The following VEGFA variants were observed in gnomAD, a reference collection of about 807,000 sequenced individuals.
VEGFA encodes vascular endothelial growth factor A, long form.
Under a neutral mutation model 49.7 loss-of-function variants are expected in VEGFA, and 20 were observed. The observed-to-expected ratio is 0.40, with a 90% CI of 0.28 to 0.58. VEGFA has a LOEUF of 0.58. Among genes scored for constraint, VEGFA ranks in the 20% least tolerant of loss-of-function variants. VEGFA has a pLI of 0.40. For synonymous variants in VEGFA, 219 were observed against 223.4 expected, an observed-to-expected ratio of 0.98 and a Z score of 0.18; for missense variants, 505 against 553.5, an observed-to-expected ratio of 0.91 and a Z score of 0.88.
At chr6:43,779,198 G>A (rs374062050) in intron 5 of VEGFA, 1 of 567,388 alleles carries the variant, frequency 1.8e-6, no homozygotes, top group Non-Finnish European at 3.2e-6. Flanking sequence ...CTGTTTCGGT[G>A]TGTCAGGGGG....
chr6:43,780,856 T>C (rs149528656), intron 6 of VEGFA, 53 bp downstream of exon 6: 479 of 1,613,124 alleles, frequency 3.0e-4, no homozygotes, highest in Non-Finnish European at 3.8e-4. Flanking sequence ...TGGCCCCCAG[T>C]ACAACCTCCG....
rs368814156 is a variant in VEGFA at position 43,777,612 on chromosome 6, A to G, written c.802A>G (p.Asn268Asp). 2 of 1,612,230 alleles carry G rather than the reference A, an allele frequency of 1.2e-6. No homozygotes were observed. The highest frequency in any genetic ancestry group is 1.7e-6 in the Non-Finnish European group (2 of 1,178,972). The change falls in exon 3 of 8, where the codon AAT becomes GAT. Residue 268 changes from asparagine (N) to aspartate (D), a missense_variant. Physicochemically the swap from Asn to Asp is conservative, Grantham distance 23. Coordinates refer to ENST00000672860, the MANE Select transcript of VEGFA (RefSeq NM_003376.6). The surrounding 1 kb of genome is among the most constrained non-coding windows in gnomAD (Gnocchi z 4.3). ...CCTGATGCGATGCGGGGGCTGCTGC[A>G]ATGACGAGGGCCTGGAGTGTGTGCC...
At chr6:43,784,264 C>T (rs963451522) in intron 7 of VEGFA, 8 of 580,004 alleles carry the variant, frequency 1.4e-5, no homozygotes, top group Non-Finnish European at 2.2e-5. Flanking sequence ...GTTCCCATGT[C>T]CTTGTCTTGT....
At chr6:43,781,908 C>G (rs1767926189) in intron 6 of VEGFA, 48 bp from the exon 7 acceptor site, 1 of 1,610,472 alleles carries the variant, frequency 6.2e-7, no homozygotes, top group Middle Eastern at 1.7e-4. Context: ...TTTTCTCTCT[C>G]TCTGCTGATG....
In VEGFA at chr6:43,771,078, G is replaced by A. The variant is rs1763372964; in HGVS notation, c.372G>A (p.Ala124=). Residue 124 remains alanine, a synonymous_variant, in exon 1 of 8, where the codon GCG becomes GCA. Transcript: ENST00000672860. ...CGGGCTCATGGACGGGTGAGGCGGC[G>A]GTGTGCGCAGACAGTGCTCCAGCCG... is the stretch of plus-strand genomic sequence containing the variant. 1 of 1,496,686 alleles carries A rather than the reference G, an allele frequency of 6.7e-7. No individual in the cohort carries two copies. Among genetic ancestry groups the A allele is most frequent in the Non-Finnish European group, 8.9e-7 (1 of 1,123,968 alleles). 92.7% of individuals were successfully genotyped at this position (1,496,686 alleles called of 1,614,324 possible). A position where few individuals can be genotyped will look rare whatever the true frequency, so the allele number is the denominator to read the frequency against.
At chr6:43,779,947 G>A (rs1240427463) in intron 5 of VEGFA, 7 of 296,946 alleles carry the variant, frequency 2.4e-5, no homozygotes, top group Admixed American at 4.0e-5. Flanking sequence ...TAGGGGGCTC[G>A]CCTGGGCTCG....
chr6:43,778,550 C>T lies in VEGFA; in HGVS notation c.932+14C>T, dbSNP rs2128033812. On this transcript the variant is annotated intron_variant, in intron 4 of 7. Coordinates refer to ENST00000672860, the MANE Select transcript of VEGFA (RefSeq NM_003376.6). ...ATGTGAATGCAGGTGAGGATGTAGTCACGGATTCATTATCAGCAAGTGGCT... is the reference window on the plus strand; with the variant it reads ...ATGTGAATGCAGGTGAGGATGTAGTTACGGATTCATTATCAGCAAGTGGCT... The T allele has an allele frequency of 6.2e-7, 1 of 1,612,638 alleles. No homozygotes were observed. Among genetic ancestry groups the T allele is most frequent in the South Asian group, 1.1e-5 (1 of 91,046 alleles).
chr6:43,781,807 G>A (rs1767874295), intron 6 of VEGFA, 149 bp from the exon 7 acceptor site: 4 of 1,026,988 alleles, frequency 3.9e-6, no homozygotes, highest in East Asian at 2.7e-5. Flanking sequence ...GTCTTTTGCT[G>A]TAGCGCTCGG....
chr6:43,781,900 TTCTC>T (rs1767921267), intron 6 of VEGFA, 52 bp from the exon 7 acceptor site: 13 of 1,605,976 alleles, frequency 8.1e-6, no homozygotes, highest in Non-Finnish European at 1.1e-5. Flanking sequence ...GTGATTTTTT[TTCTC>T]TCTCTCTGCT....
chr6:43,770,924 A>T lies in VEGFA; in HGVS notation c.218A>T (p.Glu73Val). ...GGAGGAGCCGTGGTCCGCGCGGGGG[A>T]AGCCGAGCCGAGCGGAGCCGCGAGA... is the stretch of plus-strand genomic sequence containing the variant. Residue 73 changes from glutamate to valine, a missense_variant, in exon 1 of 8, where the codon GAA (glutamate) becomes GTA (valine). By Grantham distance (121) the Glu-to-Val change is moderately radical. This residue lies in a region of VEGFA where 340 missense variants were observed against 321.8 expected (regional missense o/e 1.06). Coordinates refer to ENST00000672860, the MANE Select transcript of VEGFA (RefSeq NM_003376.6). 3 of 1,543,984 alleles carry T rather than the reference A, an allele frequency of 1.9e-6. No homozygotes were observed. The highest frequency in any genetic ancestry group is 2.6e-6 in the Non-Finnish European group (3 of 1,145,262).
At position 43,770,834 on chromosome 6, in the gene VEGFA, A is replaced by G. The variant is rs2127995803; in HGVS notation, c.128A>G (p.Glu43Gly). ...GAGCCCGCGCCCGGAGGCGGGGTGG[A>G]GGGGGTCGGGGCTCGCGGCGTCGCA... Residue 43 changes from glutamate to glycine, a missense_variant, in exon 1 of 8, where the codon GAG (glutamate) becomes GGG (glycine). Transcript: ENST00000672860. The G allele has an allele frequency of 1.3e-6, 2 of 1,525,916 alleles. No individual in the cohort carries two copies. The highest frequency in any genetic ancestry group is 2.6e-5 in the East Asian group (1 of 37,878). 94.5% of individuals were successfully genotyped at this position (1,525,916 alleles called of 1,614,324 possible). A position where few individuals can be genotyped will look rare whatever the true frequency, so the allele number is the denominator to read the frequency against.
rs1582544441 is a variant in VEGFA, at chr6:43,784,678, A to G, written c.*116A>G. 6.4e-7 allele frequency: 1 copy of G among 1,559,500 alleles called. No homozygotes were observed. Among genetic ancestry groups the G allele is most frequent in the Non-Finnish European group, 8.8e-7 (1 of 1,130,574 alleles). On this transcript the variant is annotated 3_prime_UTR_variant, in exon 8 of 8. Transcript: ENST00000672860. Reference sequence around the variant, plus strand: ...ACGCTGCCGCCACCACACCATCACCATCGACAGAACAGTCCTTAATCCAGA... The same window carrying G: ...ACGCTGCCGCCACCACACCATCACCGTCGACAGAACAGTCCTTAATCCAGA...
intron 5 of VEGFA, chr6:43,779,208 G>A: frequency 1.8e-6 from 1 of 557,684 alleles, no homozygotes; most frequent in Non-Finnish European, 3.2e-6. Context: ...GTGTCAGGGG[G>A]CACTGTGGAC....
rs1561985567 is a variant in VEGFA, at chr6:43,774,366, AAGG to A, written c.639_641del (p.Gly214del). 1 of 1,614,188 alleles carries A rather than the reference AAGG, an allele frequency of 6.2e-7. No individual in the cohort carries two copies. Among genetic ancestry groups the A allele is most frequent in the Admixed American group, 1.7e-5 (1 of 60,036 alleles). On this transcript the variant is annotated inframe_deletion, in exon 2 of 8. Transcript: ENST00000672860. ...TGGTCCCAGGCTGCACCCATGGCAG[AAGG>A]AGGAGGGCAGAATCATCACGAAGGT...
Position 43,771,204 on chromosome 6 carries a change from A to G in VEGFA, c.498A>G (p.Arg166=), listed in dbSNP as rs1361589901. The change falls in exon 1 of 8, where the codon AGA becomes AGG. Residue 166 remains arginine (R), a synonymous_variant. Coordinates refer to ENST00000672860, the MANE Select transcript of VEGFA (RefSeq NM_003376.6). Reference sequence around the variant, plus strand: ...GGCCGCCCCACAGCCCGAGCCGGAGAGGGAGCGCGAGCCGCGCCGGCCCCG... The same window carrying G: ...GGCCGCCCCACAGCCCGAGCCGGAGGGGGAGCGCGAGCCGCGCCGGCCCCG... 7 of 1,600,758 alleles carry G rather than the reference A, an allele frequency of 4.4e-6. No homozygotes were observed. Among genetic ancestry groups the G allele is most frequent in the Non-Finnish European group, 5.1e-6 (6 of 1,176,056 alleles).
intron 7 of VEGFA, chr6:43,784,102 C>G (rs1768883023): frequency 3.9e-6 from 1 of 259,376 alleles, no homozygotes; most frequent in Admixed American, 5.0e-5. Flanking sequence ...CCACTCTCTT[C>G]CCCACACCAG....
Position 43,777,458 on chromosome 6 carries a change from C to T in VEGFA, c.659-11C>T, listed in dbSNP as rs1765818673. 3 of 1,613,790 alleles carry T rather than the reference C, an allele frequency of 1.9e-6. No homozygotes were observed. The highest frequency in any genetic ancestry group is 3.3e-5 in the Admixed American group (2 of 60,034). On this transcript the variant is annotated splice_polypyrimidine_tract_variant and intron_variant, in intron 2 of 7. Transcript: ENST00000672860. The surrounding 1 kb of genome is among the most constrained non-coding windows in gnomAD (Gnocchi z 4.3). ...GCCCACCGGGCTCATGTGTCATCGCCTCTCATGCAGTGGTGAAGTTCATGG... is the reference window on the plus strand; with the variant it reads ...GCCCACCGGGCTCATGTGTCATCGCTTCTCATGCAGTGGTGAAGTTCATGG...
chr6:43,780,697 C>T (rs3025050), intron 5 of VEGFA, 35 bp from the exon 6 acceptor site: 25,584 of 1,608,636 alleles, frequency 0.016, 225 homozygotes, highest in Non-Finnish European at 0.019. Flanking sequence ...CCACCGCCCC[C>T]GCTCTCTCTC....
At chr6:43,774,056 A>C in intron 1 of VEGFA, 2 of 540,294 alleles carry the variant, frequency 3.7e-6, no homozygotes, top group Admixed American at 6.2e-5. Context: ...GGGGACCTCG[A>C]CAGTGAAGCA....
Sources: allele counts gnomAD v4.1 joint callset, GRCh38; gene constraint gnomAD v4.1.1; regional missense constraint gnomAD v4.1.1; non-coding constraint Gnocchi (gnomAD v3.1); transcripts MANE v1.5; gene names NCBI Gene and HGNC (gene_info 2026-07-23, HGNC 2026-07-21).